Variants in CEP83 observed in about 807,000 individuals in gnomAD.
The protein encoded by CEP83 is centrosomal protein 83.
In CEP83, 70 loss-of-function variants were observed where a neutral mutation model predicts 101.9. The observed-to-expected ratio is 0.69, with a 90% CI of 0.57 to 0.84. The LOEUF is 0.84. Among genes scored for constraint, CEP83 ranks in the 40% least tolerant of loss-of-function variants. The pLI is 0.00. For missense variants in CEP83, 715 were observed against 787.2 expected (o/e 0.91, Z 1.10); for synonymous variants, 264 against 267.9 (o/e 0.99, Z 0.14).
At chr12:94,312,778 A>G (rs1970072470) in intron 15 of CEP83, 136 bp downstream of exon 15, 4 of 1,282,688 alleles carry the variant, frequency 3.1e-6, no homozygotes, top group Non-Finnish European at 3.0e-6. Flanking sequence ...AGGATAGTAC[A>G]TTAGGAGTTA....
intron 2 of CEP83, among the ~76,000 whole-genome samples, chr12:94,432,476 TAA>T (rs2065711687): frequency 6.6e-6 from 1 of 152,064 alleles, no homozygotes; most frequent in Admixed American, 6.6e-5. Flanking sequence ...ATCATTACAA[TAA>T]GTGAAATAAG....
rs142762977 is a variant in CEP83, at chr12:94,325,322, G to A, written c.1707+6378C>T. ...TGACTAGCTGGGATTACAGGCACCC[G>A]CCACCATGCCCGGCTAATTTTTGTA... On this transcript the variant is annotated intron_variant, in intron 14 of 16. Transcript: ENST00000397809. 9.2e-3 allele frequency among the ~76,000 whole-genome samples: 1,394 copies of A among 152,138 alleles called. 14 individuals are homozygous for A. The highest frequency in any genetic ancestry group is 0.017 in the Non-Finnish European group (1,124 of 67,980).
intron 4 of CEP83, among the ~76,000 whole-genome samples, chr12:94,408,475 T>G (rs1320129084): frequency 6.6e-6 from 1 of 152,220 alleles, no homozygotes; most frequent in Non-Finnish European, 1.5e-5. Flanking sequence ...ATTTCCGTTT[T>G]ATTAGAATAT....
In CEP83 at chr12:94,459,712, C is replaced by A. The variant is rs562429309; in HGVS notation, c.-310G>T. 479 of 152,670 alleles carry A rather than the reference C, an allele frequency of 3.1e-3. 3 individuals are homozygous for A. The highest frequency in any genetic ancestry group is 4.8e-3 in the Non-Finnish European group (330 of 68,200). 9.5% of individuals were successfully genotyped at this position (152,670 alleles called of 1,614,324 possible). ...ATTGGGACTAAGGGTTACGGTCCTA[C>A]AGCGGGGTGTCGGCCCAGCGAGAGG... is the stretch of plus-strand genomic sequence containing the variant. On this transcript the variant is annotated 5_prime_UTR_variant, in exon 1 of 17. Coordinates refer to ENST00000397809, the MANE Select transcript of CEP83 (RefSeq NM_016122.3).
chr12:94,387,290 C>A (rs945544033), intron 6 of CEP83, among the ~76,000 whole-genome samples: 1 of 152,186 alleles, frequency 6.6e-6, no homozygotes, highest in African/African-American at 2.4e-5. Flanking sequence ...CCATTACTGC[C>A]TGAGCTCTAC....
At chr12:94,315,348 T>A (rs1407947756) in intron 14 of CEP83, among the ~76,000 whole-genome samples, 1 of 152,126 alleles carries the variant, frequency 6.6e-6, no homozygotes, top group Admixed American at 6.6e-5. Context: ...ATTGAGCATC[T>A]TTTTTTATGC....
At chr12:94,406,267 G>A (rs938994725) in intron 4 of CEP83, among the ~76,000 whole-genome samples, 1 of 152,120 alleles carries the variant, frequency 6.6e-6, no homozygotes, top group Non-Finnish European at 1.5e-5. Context: ...GGAGATTGCA[G>A]TGAGCTGAGA....
chr12:94,291,049 G>A, the CEP83 span, among the ~76,000 whole-genome samples: 2 of 152,224 alleles, frequency 1.3e-5, no homozygotes, highest in African/African-American at 4.8e-5. Context: ...TTCCTTGCTT[G>A]GGGATTTGCG....
chr12:94,389,046 A>G (rs1409732545), intron 6 of CEP83, among the ~76,000 whole-genome samples: 3 of 152,114 alleles, frequency 2.0e-5, no homozygotes, highest in Non-Finnish European at 4.4e-5. Flanking sequence ...AGAATTGCTT[A>G]AACCAAGGAG....
At chr12:94,348,726 C>T (rs2060060902) in intron 11 of CEP83, among the ~76,000 whole-genome samples, 2 of 152,070 alleles carry the variant, frequency 1.3e-5, no homozygotes, top group South Asian at 2.1e-4. Context: ...GTATGCTCAG[C>T]AAATCGATGA....
At chr12:94,376,741 A>ATT (rs2061569922) in intron 7 of CEP83, among the ~76,000 whole-genome samples, 1 of 107,336 alleles carries the variant, frequency 9.3e-6, no homozygotes, top group Non-Finnish European at 2.0e-5. Context: ...ACATATATAT[A>ATT]TATATATTTT....
At chr12:94,369,321 G>A (rs2061178705) in intron 9 of CEP83, 1 of 152,316 alleles carries the variant, frequency 6.6e-6, no homozygotes, top group Non-Finnish European at 1.5e-5. Context: ...CAGCCTGGTG[G>A]TGGGCGCCTG....
intron 2 of CEP83, among the ~76,000 whole-genome samples, chr12:94,418,134 G>A (rs1367159500): frequency 6.6e-6 from 1 of 152,170 alleles, no homozygotes; most frequent in Non-Finnish European, 1.5e-5. Context: ...GGCTGAGGCA[G>A]GTGGGTTACT....
chr12:94,435,413 T>C (rs2065914067), intron 1 of CEP83, 86 bp from the exon 2 acceptor site: 1 of 152,098 alleles, frequency 6.6e-6, no homozygotes, highest in Admixed American at 6.6e-5. Flanking sequence ...AGCATACCCA[T>C]TTGTCCTCTA....
At chr12:94,426,000 T>C (rs189589964) in intron 2 of CEP83, among the ~76,000 whole-genome samples, 2 of 151,998 alleles carry the variant, frequency 1.3e-5, no homozygotes, top group African/African-American at 2.4e-5. Flanking sequence ...CAGGCGCCTG[T>C]AGTCCCAGCT....
the CEP83 span, chr12:94,278,235 A>C: frequency 2.8e-6 from 1 of 358,018 alleles, no homozygotes; most frequent in South Asian, 2.1e-5. Context: ...TGTGCATTTC[A>C]CACCATACCC....
At chr12:94,436,605 G>A (rs1415941587) in intron 1 of CEP83, among the ~76,000 whole-genome samples, 1 of 152,084 alleles carries the variant, frequency 6.6e-6, no homozygotes, top group Non-Finnish European at 1.5e-5. Context: ...GGCTGAGGCA[G>A]GTGGACCACA....
chr12:94,341,075 T>C (rs961082294), intron 11 of CEP83, among the ~76,000 whole-genome samples: 5 of 152,258 alleles, frequency 3.3e-5, no homozygotes, highest in African/African-American at 9.6e-5. Flanking sequence ...CTATTATATT[T>C]AAACTCCTTT....
intron 9 of CEP83, chr12:94,368,682 T>C (rs1260538988): frequency 1.3e-5 from 2 of 152,404 alleles, no homozygotes; most frequent in African/African-American, 4.8e-5. Context: ...GTTTGTACAA[T>C]GAATTCAGAA....
Sources: allele counts gnomAD v4.1 joint callset (sites outside exome capture counted in the v4.1 genomes callset), GRCh38; gene constraint gnomAD v4.1.1; transcripts MANE v1.5; gene names NCBI Gene and HGNC (gene_info 2026-07-23, HGNC 2026-07-21).